Variants in FHIT observed in about 807,000 individuals in gnomAD.
The protein encoded by FHIT is bis(5'-adenosyl)-triphosphatase.
FHIT carries 19 observed loss-of-function variants against 17.9 expected under a neutral mutation model. The ratio of observed to expected loss-of-function variants is 1.06; its 90% CI spans 0.74 to 1.56. The LOEUF (loss-of-function observed/expected upper bound fraction) is 1.56, where lower values mean the gene tolerates loss of function less well. Among genes scored for constraint, FHIT ranks in the 40% most tolerant of loss-of-function variants. The probability of loss-of-function intolerance (pLI) is 0.00; values close to 1 mark genes in which losing one functional copy is unlikely to be tolerated. For missense variants in FHIT, 248 were observed against 189.2 expected (o/e 1.31, Z -1.82); for synonymous variants, 81 against 69.7 (o/e 1.16, Z -0.81).
intron 3 of FHIT, among the ~76,000 whole-genome samples, chr3:60,943,919 C>G (rs1553775132): frequency 1.3e-5 from 2 of 152,180 alleles, no homozygotes; most frequent in African/African-American, 4.8e-5. Context: ...CACTTGTCAT[C>G]TACCTCCAAT....
rs113149487 is a variant in FHIT, at chr3:59,956,591, C to A, written c.280-34177G>T. Reference sequence around the variant, plus strand: ...GCTGAACCAGGAGAATTGCTTGAACCCGGGAGGGAGAGGTTACCGTGAGCC... The same window carrying A: ...GCTGAACCAGGAGAATTGCTTGAACACGGGAGGGAGAGGTTACCGTGAGCC... On this transcript the variant is annotated intron_variant, in intron 7 of 9. Coordinates refer to ENST00000492590, the MANE Select transcript of FHIT (RefSeq NM_002012.4). 6.5e-3 allele frequency among the ~76,000 whole-genome samples: 991 copies of A among 152,178 alleles called. 14 individuals carry two copies. The highest frequency in any genetic ancestry group is 0.022 in the African/African-American group (932 of 41,502).
rs1354043367 is a variant in FHIT, at chr3:60,860,470, G to GA, written c.-110-38460_-110-38459insT. Among the ~76,000 whole-genome samples, 106 of 86,394 alleles carry GA rather than the reference G, an allele frequency of 1.2e-3. 4 individuals carry two copies. Among genetic ancestry groups the GA allele is most frequent in the African/African-American group, 2.6e-3 (56 of 21,584 alleles). 56.7% of individuals were successfully genotyped at this position (86,394 alleles called of 152,430 possible). ...ATATGATACATATGTACATATATATGTATATATGATACATATGTATCATAT... is the reference window on the plus strand; with the variant it reads ...ATATGATACATATGTACATATATATGATATATATGATACATATGTATCATAT... On this transcript the variant is annotated intron_variant, in intron 3 of 9. Coordinates refer to ENST00000492590, the MANE Select transcript of FHIT (RefSeq NM_002012.4).
chr3:60,958,646 G>C (rs1342593002), intron 3 of FHIT, among the ~76,000 whole-genome samples: 1 of 152,116 alleles, frequency 6.6e-6, no homozygotes, highest in Non-Finnish European at 1.5e-5. Flanking sequence ...GTGCAATTTG[G>C]TAGCCTAAAT....
chr3:60,758,831 G>A (rs1323316238), intron 4 of FHIT, among the ~76,000 whole-genome samples: 1 of 152,148 alleles, frequency 6.6e-6, no homozygotes, highest in Non-Finnish European at 1.5e-5. Flanking sequence ...ACAACTCAAT[G>A]ATATCTTATG....
chr3:59,971,203 G>T (rs575675334), intron 7 of FHIT, among the ~76,000 whole-genome samples: 1 of 152,118 alleles, frequency 6.6e-6, no homozygotes. Flanking sequence ...GACACTCTGA[G>T]TCCTATTTGA....
chr3:60,236,701 A>G (rs1361128837), intron 5 of FHIT, among the ~76,000 whole-genome samples: 3 of 152,034 alleles, frequency 2.0e-5, no homozygotes, highest in Non-Finnish European at 4.4e-5. Context: ...TGAGTGTTTT[A>G]TTTCCTTTTT....
At chr3:60,340,790 C>G (rs1163592692) in intron 5 of FHIT, among the ~76,000 whole-genome samples, 1 of 152,140 alleles carries the variant, frequency 6.6e-6, no homozygotes. Context: ...TCACCACAAC[C>G]TTTGCCTCCC....
At chr3:60,347,306 T>A (rs866472041) in intron 5 of FHIT, among the ~76,000 whole-genome samples, 1 of 152,152 alleles carries the variant, frequency 6.6e-6, no homozygotes, top group Admixed American at 6.6e-5. Context: ...ATAGGTTCAT[T>A]AAAATAATAT....
chr3:60,227,485 T>C (rs1027191403), intron 5 of FHIT, among the ~76,000 whole-genome samples: 8 of 152,308 alleles, frequency 5.3e-5, no homozygotes, highest in African/African-American at 1.9e-4. Flanking sequence ...TATTTACATT[T>C]CCCTTGGAAT....
intron 3 of FHIT, among the ~76,000 whole-genome samples, chr3:61,002,157 T>C: frequency 6.6e-6 from 1 of 152,230 alleles, no homozygotes; most frequent in East Asian, 1.9e-4. Flanking sequence ...AAATTTATAC[T>C]CAGCAATTTT....
intron 5 of FHIT, among the ~76,000 whole-genome samples, chr3:60,040,789 G>A (rs181447157): frequency 6.6e-6 from 1 of 152,222 alleles, no homozygotes; most frequent in East Asian, 1.9e-4. Context: ...AACATGTAGG[G>A]GAGAAATACT....
intron 8 of FHIT, among the ~76,000 whole-genome samples, chr3:59,888,475 T>C (rs759642307): frequency 5.3e-5 from 8 of 152,212 alleles, no homozygotes; most frequent in Admixed American, 2.0e-4. Flanking sequence ...ATAAGCACAA[T>C]TGTATTCATT....
intron 5 of FHIT, among the ~76,000 whole-genome samples, chr3:60,378,095 C>A (rs1700649205): frequency 6.6e-6 from 1 of 151,992 alleles, no homozygotes; most frequent in South Asian, 2.1e-4. Context: ...GGCGCGATCA[C>A]GGCTCACTGC....
chr3:60,234,939 T>C (rs192474916), intron 5 of FHIT, among the ~76,000 whole-genome samples: 65 of 152,270 alleles, frequency 4.3e-4, no homozygotes, highest in Non-Finnish European at 1.2e-4. Context: ...TTAGTTAATA[T>C]TTTTACTTTT....
chr3:60,706,588 C>A lies in FHIT; in HGVS notation c.-18+115331G>T, dbSNP rs116395588. On this transcript the variant is annotated intron_variant, in intron 4 of 9. Transcript: ENST00000492590. ...GACATTTTAAAACAGCATTTTGTCA[C>A]CTTTTAAACGTTTGGGAACAGAGAA... 9.4e-3 allele frequency among the ~76,000 whole-genome samples: 1,437 copies of A among 152,214 alleles called. 12 individuals are homozygous for A. The highest frequency in any genetic ancestry group is 0.014 in the Non-Finnish European group (986 of 68,014).
At chr3:60,855,438 T>G (rs1471611193) in intron 3 of FHIT, among the ~76,000 whole-genome samples, 1 of 152,076 alleles carries the variant, frequency 6.6e-6, no homozygotes, top group Admixed American at 6.6e-5. Context: ...GCTTTGTGCT[T>G]AGAGCTGTAG....
chr3:60,893,768 T>A, intron 3 of FHIT, among the ~76,000 whole-genome samples: 1 of 152,182 alleles, frequency 6.6e-6, no homozygotes, highest in Non-Finnish European at 1.5e-5. Context: ...GCCATGCCCA[T>A]CTGGGAAACC....
intron 8 of FHIT, among the ~76,000 whole-genome samples, chr3:59,815,591 C>G (rs890743779): frequency 6.6e-6 from 1 of 152,116 alleles, no homozygotes; most frequent in Non-Finnish European, 1.5e-5. Flanking sequence ...TCGCAGCAAC[C>G]TGGATGAGAT....
intron 5 of FHIT, among the ~76,000 whole-genome samples, chr3:60,296,318 A>C (rs1708206463): frequency 6.6e-6 from 1 of 152,050 alleles, no homozygotes; most frequent in African/African-American, 2.4e-5. Flanking sequence ...GAAAGGAATC[A>C]TTTTCCCCGC....
Sources: gnomAD v4.1 joint callset for allele counts (sites outside exome capture counted in the v4.1 genomes callset) on GRCh38, gnomAD v4.1.1 for gene constraint, MANE v1.5 for transcripts, NCBI Gene and HGNC (gene_info 2026-07-23, HGNC 2026-07-21) for gene names.